The following GRID1 variants were observed in gnomAD, a reference collection of about 807,000 sequenced individuals.
The protein encoded by GRID1 is glutamate receptor ionotropic, delta-1.
A neutral mutation model predicts 98.0 loss-of-function variants in GRID1; 28 were observed. That is an observed-to-expected ratio of 0.29 (90% CI 0.21 to 0.39). GRID1 has a LOEUF of 0.39. Among genes scored for constraint, GRID1 ranks in the 10% least tolerant of loss-of-function variants. GRID1 has a pLI of 1.00. For missense variants in GRID1, 1,111 were observed against 1,340.5 expected (o/e 0.83, Z 2.67); for synonymous variants, 553 against 538.5 (o/e 1.03, Z -0.37).
At chr10:86,279,700 G>A (rs188291452) in intron 2 of GRID1, among the ~76,000 whole-genome samples, 8 of 152,280 alleles carry the variant, frequency 5.3e-5, no homozygotes, top group African/African-American at 1.7e-4. Context: ...CAGAAAAAAG[G>A]ATGTTCACTG....
At chr10:86,087,913 C>G (rs1486362849) in intron 4 of GRID1, among the ~76,000 whole-genome samples, 1 of 152,192 alleles carries the variant, frequency 6.6e-6, no homozygotes, top group African/African-American at 2.4e-5. Context: ...AGTTCCTCCC[C>G]ACCCCCTCTG....
chr10:86,150,256 G>T (rs1845145630), intron 3 of GRID1, among the ~76,000 whole-genome samples: 1 of 152,174 alleles, frequency 6.6e-6, no homozygotes, highest in Non-Finnish European at 1.5e-5. Context: ...GCCCTCAGGT[G>T]CTTGGTGCCC....
chr10:85,862,056 T>C (rs963899350), intron 6 of GRID1, among the ~76,000 whole-genome samples: 25 of 152,182 alleles, frequency 1.6e-4, no homozygotes, highest in Admixed American at 1.4e-3. Context: ...CCCTCCAAGT[T>C]ACTTCCCAAC....
chr10:86,124,806 A>G (rs1213229857), intron 4 of GRID1, among the ~76,000 whole-genome samples: 5 of 152,238 alleles, frequency 3.3e-5, no homozygotes, highest in Non-Finnish European at 7.3e-5. Context: ...AAGGCAAGAC[A>G]GTGCCCTATA....
At chr10:86,164,034 C>T (rs1344187190) in intron 3 of GRID1, among the ~76,000 whole-genome samples, 1 of 152,194 alleles carries the variant, frequency 6.6e-6, no homozygotes, top group Non-Finnish European at 1.5e-5. Flanking sequence ...TGGCCATAGT[C>T]CTAGGACCCC....
intron 6 of GRID1, among the ~76,000 whole-genome samples, chr10:85,868,407 G>A (rs1207824179): frequency 5.9e-5 from 9 of 152,170 alleles, no homozygotes; most frequent in Non-Finnish European, 1.3e-4. Context: ...AGACAAGCTA[G>A]TGCCGACTGC....
chr10:86,050,310 T>C (rs1244371462), intron 4 of GRID1, among the ~76,000 whole-genome samples: 1 of 152,262 alleles, frequency 6.6e-6, no homozygotes, highest in African/African-American at 2.4e-5. Flanking sequence ...GAAGTATGTG[T>C]GTGTATATAT....
intron 8 of GRID1, among the ~76,000 whole-genome samples, chr10:85,813,255 A>G (rs1376307361): frequency 6.6e-6 from 1 of 151,636 alleles, no homozygotes; most frequent in Non-Finnish European, 1.5e-5. Flanking sequence ...AGTGAACTCC[A>G]AAAAGTATAA....
chr10:86,357,925 G>T lies in GRID1; in HGVS notation c.235+6016C>A, dbSNP rs1280352381. 3.9e-5 allele frequency among the ~76,000 whole-genome samples: 6 copies of T among 152,222 alleles called. No individual in the cohort carries two copies. The East Asian group carries it at 9.6e-4, about 24-fold the overall frequency. On this transcript the variant is annotated intron_variant, in intron 2 of 15. Transcript: ENST00000327946. ...ACTTCAACGAGGGCCGTCCCTTGGGGTGTAGGTAGGCATGGGCCTAGACGG... is the reference window on the plus strand; with the variant it reads ...ACTTCAACGAGGGCCGTCCCTTGGGTTGTAGGTAGGCATGGGCCTAGACGG...
chr10:85,883,540 C>G (rs1250493019), intron 5 of GRID1, among the ~76,000 whole-genome samples: 1 of 151,678 alleles, frequency 6.6e-6, no homozygotes, highest in Admixed American at 6.6e-5. Flanking sequence ...GTCTCTCTCT[C>G]TCTCTCTCCT....
At chr10:86,081,556 A>G (rs1843978757) in intron 4 of GRID1, among the ~76,000 whole-genome samples, 1 of 152,236 alleles carries the variant, frequency 6.6e-6, no homozygotes, top group African/African-American at 2.4e-5. Context: ...AGTAAATTAA[A>G]AAGCAAAGTC....
intron 4 of GRID1, among the ~76,000 whole-genome samples, chr10:86,104,013 G>A (rs1274973826): frequency 2.6e-5 from 4 of 152,124 alleles, no homozygotes; most frequent in Non-Finnish European, 4.4e-5. Context: ...CTCTGATGTG[G>A]CCTTCAGACT....
chr10:86,055,136 G>C (rs1347512408), intron 4 of GRID1, among the ~76,000 whole-genome samples: 1 of 152,186 alleles, frequency 6.6e-6, no homozygotes. Context: ...AGCCAAGCCT[G>C]ACCCAGGAAA....
chr10:85,964,234 C>T (rs1024883622), intron 4 of GRID1, among the ~76,000 whole-genome samples: 2 of 152,158 alleles, frequency 1.3e-5, no homozygotes, highest in African/African-American at 4.8e-5. Context: ...GGACTCAATG[C>T]TATCCCCCTC....
At chr10:86,190,175 T>C (rs527609431) in intron 3 of GRID1, among the ~76,000 whole-genome samples, 21 of 152,240 alleles carry the variant, frequency 1.4e-4, no homozygotes, top group Admixed American at 9.8e-4. Context: ...AAACACTATG[T>C]GAGTGGGACA....
At chr10:85,813,472 AAAG>A (rs1842690760) in intron 8 of GRID1, among the ~76,000 whole-genome samples, 1 of 151,372 alleles carries the variant, frequency 6.6e-6, no homozygotes, top group South Asian at 2.1e-4. Context: ...GAAAAAAAAA[AAAG>A]AACTGTCAAA....
chr10:85,923,447 G>A (rs1841733405), intron 4 of GRID1, among the ~76,000 whole-genome samples: 1 of 152,164 alleles, frequency 6.6e-6, no homozygotes, highest in Non-Finnish European at 1.5e-5. Context: ...AGGAGTTCAG[G>A]GAAGGCACTG....
chr10:85,698,169 G>T (rs1841414267), intron 12 of GRID1, among the ~76,000 whole-genome samples: 1 of 151,958 alleles, frequency 6.6e-6, no homozygotes, highest in Non-Finnish European at 1.5e-5. Flanking sequence ...AAAAACCAAG[G>T]ATGTCAGATA....
intron 8 of GRID1, among the ~76,000 whole-genome samples, chr10:85,791,245 T>C (rs1352827080): frequency 6.6e-6 from 1 of 152,148 alleles, no homozygotes; most frequent in Non-Finnish European, 1.5e-5. Flanking sequence ...GAAACTGTGT[T>C]GTGGTTTCCA....
Sources: gnomAD v4.1 joint callset for allele counts (sites outside exome capture counted in the v4.1 genomes callset) on GRCh38, gnomAD v4.1.1 for gene constraint, MANE v1.5 for transcripts, NCBI Gene and HGNC (gene_info 2026-07-23, HGNC 2026-07-21) for gene names.